The following THSD7B variants were observed in gnomAD, a reference collection of about 807,000 sequenced individuals.
The protein encoded by THSD7B is thrombospondin type 1 domain containing 7B, also known as thrombospondin type-1 domain-containing protein 7B.
Under a neutral mutation model 213.6 loss-of-function variants are expected in THSD7B, and 138 were observed. The observed-to-expected ratio is 0.65, with a 90% CI of 0.56 to 0.74. THSD7B has a LOEUF of 0.74. Ranked by LOEUF, THSD7B falls within the 30% of genes least tolerant of loss-of-function variation. THSD7B has a pLI of 0.00. For synonymous variants in THSD7B, 742 were observed against 687.0 expected, an observed-to-expected ratio of 1.08 and a Z score of -1.25; for missense variants, 1,931 against 1,991.5, an observed-to-expected ratio of 0.97 and a Z score of 0.58.
intron 12 of THSD7B, among the ~76,000 whole-genome samples, chr2:137,353,151 G>A (rs1415034213): frequency 6.6e-6 from 1 of 152,084 alleles, no homozygotes; most frequent in Non-Finnish European, 1.5e-5. Context: ...TTTTTCAAAA[G>A]ACAGGGAGGC....
chr2:137,268,315 C>A (rs181350525), intron 10 of THSD7B, among the ~76,000 whole-genome samples: 1 of 151,414 alleles, frequency 6.6e-6, no homozygotes, highest in Admixed American at 6.6e-5. Flanking sequence ...GCCCCCACCC[C>A]CCAACAGGCC....
In THSD7B at chr2:137,276,073, C is replaced by A. The variant is rs778100571; in HGVS notation, c.2500+47C>A. ...TTTTTTTTATTAATACGTAAGTTAA[C>A]ATTATGTAACTCATATGTGTTGCTT... On this transcript the variant is annotated intron_variant, in intron 12 of 27. Coordinates refer to ENST00000409968, the MANE Select transcript of THSD7B (RefSeq NM_001316349.2). The A allele has an allele frequency of 1.4e-5, 19 of 1,340,796 alleles. No individual in the cohort carries two copies. In the East Asian group the frequency reaches 4.1e-4, roughly 29 times the overall value. 83.1% of individuals were successfully genotyped at this position (1,340,796 alleles called of 1,614,324 possible). A position where few individuals can be genotyped will look rare whatever the true frequency, so the allele number is the denominator to read the frequency against.
At chr2:136,905,264 G>A (rs970996129) in intron 2 of THSD7B, among the ~76,000 whole-genome samples, 2 of 152,100 alleles carry the variant, frequency 1.3e-5, no homozygotes, top group Non-Finnish European at 2.9e-5. Flanking sequence ...GCATTTATGA[G>A]GCATCTTCCA....
chr2:137,214,845 T>C (rs1573891041), intron 7 of THSD7B, among the ~76,000 whole-genome samples: 1 of 152,316 alleles, frequency 6.6e-6, no homozygotes, highest in East Asian at 1.9e-4. Flanking sequence ...GATGGGCATT[T>C]GGGTTGGTTC....
chr2:137,080,367 G>GTT (rs70975798), intron 3 of THSD7B, among the ~76,000 whole-genome samples: 82 of 98,384 alleles, frequency 8.3e-4, no homozygotes, highest in Middle Eastern at 6.6e-3. Context: ...ATGCCCAGCT[G>GTT]TTTTTTTTTT....
At chr2:137,196,388 T>G (rs1284597628) in intron 7 of THSD7B, among the ~76,000 whole-genome samples, 4 of 147,826 alleles carry the variant, frequency 2.7e-5, no homozygotes, top group African/African-American at 1.0e-4. Context: ...TTTTTTTTTT[T>G]TTTTTTTTTT....
intron 7 of THSD7B, among the ~76,000 whole-genome samples, chr2:137,175,697 T>G (rs939597850): frequency 2.0e-5 from 3 of 152,326 alleles, no homozygotes; most frequent in African/African-American, 7.2e-5. Flanking sequence ...TCTAACACTG[T>G]AAGTACTTTT....
intron 12 of THSD7B, among the ~76,000 whole-genome samples, chr2:137,293,931 G>A (rs971938801): frequency 6.6e-6 from 1 of 151,946 alleles, no homozygotes; most frequent in Non-Finnish European, 1.5e-5. Flanking sequence ...GAAATATACG[G>A]CTATTTATAA....
Position 137,663,495 on chromosome 2 carries a change from A to G in THSD7B, c.4571A>G (p.Asn1524Ser). ...GSEDKKADVK[N>S]LSGKNRPVNS... is the part of the protein sequence containing the mutation. ...GAGGATAAAAAAGCTGATGTGAAAAACCTTTCTGGGAAAAACAGACCTGTG... is the reference window on the plus strand; with the variant it reads ...GAGGATAAAAAAGCTGATGTGAAAAGCCTTTCTGGGAAAAACAGACCTGTG... The change falls in exon 26 of 28, where the codon AAC (asparagine) becomes AGC (serine). Residue 1524 changes from asparagine to serine, a missense_variant. By Grantham distance (46) the Asn-to-Ser change is conservative. Transcript: ENST00000409968. 2 of 1,605,558 alleles carry G rather than the reference A, an allele frequency of 1.2e-6. No homozygotes were observed. Among genetic ancestry groups the G allele is most frequent in the Non-Finnish European group, 1.7e-6 (2 of 1,175,516 alleles).
intron 15 of THSD7B, among the ~76,000 whole-genome samples, chr2:137,549,310 C>CTTTTT (rs1027305359): frequency 3.6e-4 from 9 of 25,228 alleles, no homozygotes; most frequent in Non-Finnish European, 4.8e-4. Flanking sequence ...TTCAGATGCT[C>CTTTTT]TTTTTTTTTT....
chr2:137,206,938 A>G (rs1289094417), intron 7 of THSD7B, among the ~76,000 whole-genome samples: 1 of 152,088 alleles, frequency 6.6e-6, no homozygotes. Flanking sequence ...GCAGGAATGT[A>G]TATCTTTGTG....
chr2:137,190,576 G>A (rs1680637600), intron 7 of THSD7B, among the ~76,000 whole-genome samples: 2 of 152,120 alleles, frequency 1.3e-5, no homozygotes, highest in African/African-American at 4.8e-5. Context: ...TCGGGTGTTT[G>A]CAGCATTGGT....
chr2:137,505,757 G>A (rs991827377), intron 15 of THSD7B, among the ~76,000 whole-genome samples: 4 of 152,220 alleles, frequency 2.6e-5, no homozygotes, highest in African/African-American at 9.7e-5. Flanking sequence ...GTTCCCAAGA[G>A]GAGGGGCACT....
At chr2:136,881,159 G>C (rs1188579654) in intron 1 of THSD7B, among the ~76,000 whole-genome samples, 1 of 152,094 alleles carries the variant, frequency 6.6e-6, no homozygotes, top group African/African-American at 2.4e-5. Flanking sequence ...TCTTGTGTGA[G>C]GCTCTCCTCT....
intron 15 of THSD7B, among the ~76,000 whole-genome samples, chr2:137,562,594 T>TTGTGTGTGTGTGTGTGTG (rs72488766): frequency 6.9e-6 from 1 of 145,080 alleles, no homozygotes; most frequent in East Asian, 2.1e-4. Flanking sequence ...GTATTTCTCT[T>TTGTGTGTGTGTGTGTGTG]TGTGTGTGTG....
intron 12 of THSD7B, among the ~76,000 whole-genome samples, chr2:137,305,339 A>G (rs911317156): frequency 1.3e-5 from 2 of 152,126 alleles, no homozygotes; most frequent in Non-Finnish European, 2.9e-5. Flanking sequence ...AGTCTTTGTA[A>G]GGCTGTCATC....
At chr2:137,325,355 GC>G (rs1418666068) in intron 12 of THSD7B, among the ~76,000 whole-genome samples, 1 of 152,154 alleles carries the variant, frequency 6.6e-6, no homozygotes, top group Non-Finnish European at 1.5e-5. Context: ...CTGGAAAAGA[GC>G]AAGAACAACA....
intron 15 of THSD7B, among the ~76,000 whole-genome samples, chr2:137,491,852 T>C (rs1454442134): frequency 1.3e-5 from 2 of 152,248 alleles, no homozygotes; most frequent in Non-Finnish European, 2.9e-5. Context: ...CCTAGTTTAG[T>C]GTATAGCTCC....
intron 6 of THSD7B, among the ~76,000 whole-genome samples, chr2:137,167,478 C>T (rs771793929): frequency 1.3e-5 from 2 of 152,106 alleles, no homozygotes; most frequent in Non-Finnish European, 2.9e-5. Context: ...CATAACATTG[C>T]CTGTGGATAG....
Sources: gnomAD v4.1 joint callset for allele counts (sites outside exome capture counted in the v4.1 genomes callset) on GRCh38, gnomAD v4.1.1 for gene constraint, MANE v1.5 for transcripts, NCBI Gene and HGNC (gene_info 2026-07-23, HGNC 2026-07-21) for gene names.